Variants in FAM83B observed in about 807,000 individuals in gnomAD.
FAM83B encodes the protein protein FAM83B.
Under a neutral mutation model 38.8 loss-of-function variants are expected in FAM83B, and 26 were observed. The ratio of observed to expected loss-of-function variants is 0.67; its 90% confidence interval spans 0.49 to 0.93. The LOEUF (loss-of-function observed/expected upper bound fraction) is 0.93. Among genes scored for constraint, FAM83B ranks in the 40% least tolerant of loss-of-function variants. The probability of loss-of-function intolerance (pLI) is 0.00; values close to 1 mark genes in which losing one functional copy is unlikely to be tolerated. For missense variants in FAM83B, 1,237 were observed against 1,197.3 expected (o/e 1.03, Z -0.49); for synonymous variants, 419 against 423.1 (o/e 0.99, Z 0.12).
rs1773678643 is a variant in FAM83B, at chr6:54,941,169, C to T, written c.2198C>T (p.Thr733Ile). Residue 733 changes from threonine to isoleucine, a missense_variant, in exon 5 of 5, where the codon ACT becomes ATT. By Grantham distance (89) the Thr-to-Ile change is moderately conservative. Coordinates refer to ENST00000306858, the MANE Select transcript of FAM83B (RefSeq NM_001010872.3). ...ACCAAGAGAAACTCTCCAAGTGGCA[C>T]TACTACCAAATCAGTTTCCATTGCT... ...EVTKRNSPSG[T>I]TTKSVSIAAL... 19 of 1,614,028 alleles carry T rather than the reference C, an allele frequency of 1.2e-5. No homozygotes were observed. Among genetic ancestry groups the T allele is most frequent in the Non-Finnish European group, 1.6e-5 (19 of 1,179,988 alleles).
At position 54,940,012 on chromosome 6, in the gene FAM83B, A is replaced by G. The variant is rs1413633733; in HGVS notation, c.1041A>G (p.Glu347=). ...ACAGAGGGATATATACTTTAAATGA[A>G]CATGACAAATATAACATAAGAAGTC... The part of the protein sequence containing the change: ...FKNRGIYTLN[E]HDKYNIRSHG... The change falls in exon 5 of 5, where the codon GAA becomes GAG. Residue 347 remains glutamate, a synonymous_variant. Coordinates refer to ENST00000306858, the MANE Select transcript of FAM83B (RefSeq NM_001010872.3). 1.9e-6 allele frequency: 3 copies of G among 1,614,032 alleles called. No homozygotes were observed. In the Middle Eastern group the frequency reaches 5.0e-4, roughly 266 times the overall value.
chr6:54,855,535 A>G (rs1771427420), intron 1 of FAM83B, among the ~76,000 whole-genome samples: 1 of 152,236 alleles, frequency 6.6e-6, no homozygotes, highest in African/African-American at 2.4e-5. Flanking sequence ...ACTCAAAGCC[A>G]TACTCATAGC....
At chr6:54,907,209 A>G (rs1321588682) in intron 2 of FAM83B, among the ~76,000 whole-genome samples, 1 of 152,130 alleles carries the variant, frequency 6.6e-6, no homozygotes, top group Admixed American at 6.5e-5. Context: ...TAGAAAAGCT[A>G]TTATCTACAT....
chr6:54,939,060 G>C (rs1362082125), intron 4 of FAM83B, among the ~76,000 whole-genome samples: 2 of 152,136 alleles, frequency 1.3e-5, no homozygotes, highest in African/African-American at 4.8e-5. Flanking sequence ...TGAGGATCCA[G>C]TTTCATTCTT....
At chr6:54,906,602 C>CT (rs974604258) in intron 2 of FAM83B, among the ~76,000 whole-genome samples, 1 of 152,124 alleles carries the variant, frequency 6.6e-6, no homozygotes, top group African/African-American at 2.4e-5. Context: ...CCAGGCTGGT[C>CT]TTTCATTCCT....
Position 54,940,453 on chromosome 6 carries a change from C to T in FAM83B, c.1482C>T (p.Asn494=). The change falls in exon 5 of 5, where the codon AAC becomes AAT. Residue 494 remains asparagine, a synonymous_variant. Transcript: ENST00000306858. Reference sequence around the variant, plus strand: ...ATACCACAAAGTCATTCCTACGTAACTGGAGAATTGAATCCTACTTAAATG... The same window carrying T: ...ATACCACAAAGTCATTCCTACGTAATTGGAGAATTGAATCCTACTTAAATG... ...LEHTTKSFLR[N]WRIESYLNDH... 6.2e-7 allele frequency: 1 copy of T among 1,614,072 alleles called. No homozygotes were observed. The highest frequency in any genetic ancestry group is 1.1e-5 in the South Asian group (1 of 91,076).
intron 2 of FAM83B, among the ~76,000 whole-genome samples, chr6:54,908,495 ATTAG>A (rs199704122): frequency 0.023 from 3,552 of 152,140 alleles, 60 homozygotes; most frequent in Middle Eastern, 0.062. Flanking sequence ...GTTTATTCTG[ATTAG>A]TTAATTTCTA....
chr6:54,864,072 G>A (rs1050404219), intron 1 of FAM83B, among the ~76,000 whole-genome samples: 5 of 152,092 alleles, frequency 3.3e-5, no homozygotes, highest in African/African-American at 1.2e-4. Context: ...TTTTCTTAAT[G>A]AATTTATTTA....
intron 4 of FAM83B, among the ~76,000 whole-genome samples, chr6:54,928,954 A>G (rs1041790526): frequency 6.6e-6 from 1 of 152,108 alleles, no homozygotes; most frequent in Non-Finnish European, 1.5e-5. Flanking sequence ...CAAAAAAATT[A>G]TATATCTCTA....
chr6:54,898,231 A>C (rs1222311463), intron 2 of FAM83B, among the ~76,000 whole-genome samples: 2 of 152,072 alleles, frequency 1.3e-5, no homozygotes, highest in East Asian at 3.9e-4. Context: ...GAACCTGCCC[A>C]TTGCTATTTT....
chr6:54,889,640 T>C (rs1772357255), intron 2 of FAM83B, among the ~76,000 whole-genome samples: 1 of 152,192 alleles, frequency 6.6e-6, no homozygotes, highest in African/African-American at 2.4e-5. Flanking sequence ...AATATTGCTA[T>C]ACTGTGTATC....
chr6:54,906,496 T>C (rs374896050), intron 2 of FAM83B, among the ~76,000 whole-genome samples: 2 of 152,296 alleles, frequency 1.3e-5, no homozygotes, highest in East Asian at 1.9e-4. Context: ...GCGATTCTCC[T>C]GCCTCAGCCT....
rs918455032 is a variant in FAM83B at position 54,926,410 on chromosome 6, A to G, written c.484A>G (p.Ile162Val). 1.2e-6 allele frequency: 2 copies of G among 1,608,402 alleles called. No homozygotes were observed. Residue 162 changes from isoleucine (I) to valine (V), a missense_variant, in exon 3 of 5, where the codon ATT becomes GTT. Transcript: ENST00000306858. ...GATGGATATATTTACAGATGTGGAC[A>G]TTTTCAAAGAAATCGTTGAGGCATC... ...LVMDIFTDVD[I>V]FKEIVEASTR...
intron 2 of FAM83B, among the ~76,000 whole-genome samples, chr6:54,889,907 G>T (rs546301886): frequency 6.6e-6 from 1 of 151,840 alleles, no homozygotes; most frequent in East Asian, 1.9e-4. Flanking sequence ...TTCTAAAATG[G>T]GATTATAAAT....
chr6:54,882,875 G>A (rs1341905578), intron 2 of FAM83B, among the ~76,000 whole-genome samples: 2 of 152,072 alleles, frequency 1.3e-5, no homozygotes, highest in African/African-American at 2.4e-5. Context: ...GTTTGGGAAA[G>A]CTTTGTTTGA....
At chr6:54,917,414 A>G (rs890955071) in intron 2 of FAM83B, among the ~76,000 whole-genome samples, 6 of 152,164 alleles carry the variant, frequency 3.9e-5, no homozygotes, top group African/African-American at 1.4e-4. Context: ...TTTTTTAAAA[A>G]TTTCCACTTT....
At chr6:54,872,569 G>A (rs1270068176) in intron 2 of FAM83B, among the ~76,000 whole-genome samples, 1 of 152,112 alleles carries the variant, frequency 6.6e-6, no homozygotes, top group East Asian at 1.9e-4. Context: ...TTTCCTTTGG[G>A]ACATTGCATT....
chr6:54,910,797 T>C (rs1451280540), intron 2 of FAM83B, among the ~76,000 whole-genome samples: 1 of 152,198 alleles, frequency 6.6e-6, no homozygotes, highest in Non-Finnish European at 1.5e-5. Context: ...AGTTAGATTC[T>C]CGTTTCTGGA....
At position 54,926,515 on chromosome 6, in the gene FAM83B, T is replaced by G. The variant is rs1054131024; in HGVS notation, c.589T>G (p.Cys197Gly). 3 of 1,598,308 alleles carry G rather than the reference T, an allele frequency of 1.9e-6. No individual in the cohort carries two copies. The highest frequency in any genetic ancestry group is 1.7e-5 in the Admixed American group (1 of 58,310). ...TCTAAATATGACTGAGAAACAAGGT[T>G]GTTCAGTTCAGCGTCTCAGGGTAAG... ...HFLNMTEKQGCSVQRLRNIRV... is the reference protein window; with the variant it reads ...HFLNMTEKQGGSVQRLRNIRV... Residue 197 changes from cysteine to glycine, a missense_variant, in exon 3 of 5, where the codon TGT (cysteine) becomes GGT (glycine). Transcript: ENST00000306858.
Sources: allele counts gnomAD v4.1 joint callset (sites outside exome capture counted in the v4.1 genomes callset), GRCh38; gene constraint gnomAD v4.1.1; transcripts MANE v1.5; gene names NCBI Gene and HGNC (gene_info 2026-07-23, HGNC 2026-07-21).